COL16A1: variants seen among roughly 807,000 people sequenced by gnomAD.
COL16A1 encodes collagen type XVI alpha 1 chain, also known as collagen alpha-1(XVI) chain.
In COL16A1, 189 loss-of-function variants were observed where a neutral mutation model predicts 266.3. That is an observed-to-expected ratio of 0.71 (90% confidence interval 0.63 to 0.80). COL16A1 has a LOEUF of 0.80. Among genes scored for constraint, COL16A1 ranks in the 30% least tolerant of loss-of-function variants. The pLI is 0.00. For missense variants in COL16A1, 1,928 were observed against 2,122.4 expected (o/e 0.91, Z 1.80); for synonymous variants, 740 against 782.3 (o/e 0.95, Z 0.90).
In COL16A1 at chr1:31,663,078, C is replaced by T. The variant is rs1465694261; in HGVS notation, c.3556-420G>A. ...TCCCCCCATCCCAGCAGACATGGGC[C>T]CGGGCTGCACAGAGGCCTCAACAGC... On this transcript the variant is annotated intron_variant, in intron 56 of 70. Transcript: ENST00000373672. The surrounding 1 kb of genome is among the most constrained non-coding windows in gnomAD (Gnocchi z 4.9). 14 of 245,272 alleles carry T rather than the reference C, an allele frequency of 5.7e-5. No homozygotes were observed. The highest frequency in any genetic ancestry group is 3.1e-4 in the African/African-American group (14 of 44,656). 15.2% of individuals were successfully genotyped at this position (245,272 alleles called of 1,614,324 possible). A position where few individuals can be genotyped will look rare whatever the true frequency, so the allele number is the denominator to read the frequency against.
chr1:31,660,512 G>A, intron 62 of COL16A1, 73 bp downstream of exon 62: 2 of 1,588,654 alleles, frequency 1.3e-6, no homozygotes, highest in East Asian at 2.3e-5. Context: ...GGTCATGACA[G>A]CCTATGCACC....
intron 11 of COL16A1, 45 bp downstream of exon 11, chr1:31,695,141 C>T (rs763806127): frequency 1.9e-6 from 3 of 1,609,620 alleles, no homozygotes; most frequent in East Asian, 2.2e-5. Context: ...AACGTCCACT[C>T]CCGGCTCTTG....
At chr1:31,699,763 G>A (rs1332609829) in intron 4 of COL16A1, 50 bp downstream of exon 4, 41 of 1,183,138 alleles carry the variant, frequency 3.5e-5, no homozygotes, top group Non-Finnish European at 5.0e-5. Flanking sequence ...TTGCTGAGGA[G>A]TGTGGCTGAG....
intron 70 of COL16A1, 76 bp downstream of exon 70, chr1:31,653,521 CTG>C (rs1027504298): frequency 4.0e-6 from 6 of 1,493,140 alleles, no homozygotes; most frequent in Non-Finnish European, 5.4e-6. Flanking sequence ...TTTGACACAG[CTG>C]TGTCATAGAA....
At chr1:31,665,095 G>C in intron 56 of COL16A1, 77 bp downstream of exon 56, 1 of 1,563,310 alleles carries the variant, frequency 6.4e-7, no homozygotes, top group Non-Finnish European at 8.6e-7. Context: ...CTGAAAGCCT[G>C]ATGCTAGGGG....
Position 31,672,640 on chromosome 1 carries a change from G to A in COL16A1, c.2977-3C>T, listed in dbSNP as rs940925003. On this transcript the variant is annotated splice_region_variant and splice_polypyrimidine_tract_variant and intron_variant, in intron 45 of 70. Coordinates refer to ENST00000373672, the MANE Select transcript of COL16A1 (RefSeq NM_001856.4). ...GGGCGCTCCAGTGACAAAAAGCACTGCAAGGGACAATGAGAGGCACATTGT... is the reference window on the plus strand; with the variant it reads ...GGGCGCTCCAGTGACAAAAAGCACTACAAGGGACAATGAGAGGCACATTGT... 2.5e-6 allele frequency: 4 copies of A among 1,605,504 alleles called. No homozygotes were observed. Among genetic ancestry groups the A allele is most frequent in the Non-Finnish European group, 3.4e-6 (4 of 1,175,066 alleles).
Position 31,679,638 on chromosome 1 carries a change from C to G in COL16A1, c.2766G>C (p.Gly922=). Residue 922 remains glycine (G), a synonymous_variant, in exon 42 of 71, where the codon GGG becomes GGC. Coordinates refer to ENST00000373672, the MANE Select transcript of COL16A1 (RefSeq NM_001856.4). Reference sequence around the variant, plus strand: ...TTCTCTTCTCCCCCTTTACCTGCAGCCCAGGTACTCCAGGGGGGCCTGGTG... The same window carrying G: ...TTCTCTTCTCCCCCTTTACCTGCAGGCCAGGTACTCCAGGGGGGCCTGGTG... ...PGPPGPPGVP[G]LQGVPGNNGL... is the part of the protein sequence containing the mutation. 6.2e-7 allele frequency: 1 copy of G among 1,614,232 alleles called. No individual in the cohort carries two copies. Among genetic ancestry groups the G allele is most frequent in the South Asian group, 1.1e-5 (1 of 91,092 alleles).
At chr1:31,674,402 G>C (rs906054964) in intron 44 of COL16A1, among the ~76,000 whole-genome samples, 5 of 152,258 alleles carry the variant, frequency 3.3e-5, no homozygotes, top group Non-Finnish European at 7.3e-5. Flanking sequence ...TGTGACTCTT[G>C]ATTCCAATAG....
intron 44 of COL16A1, among the ~76,000 whole-genome samples, chr1:31,673,846 G>A (rs573376911): frequency 6.6e-6 from 1 of 152,334 alleles, no homozygotes; most frequent in East Asian, 1.9e-4. Flanking sequence ...AGCATGCCCC[G>A]GGGTGCCATC....
chr1:31,672,906 A>C, intron 44 of COL16A1, 66 bp from the exon 45 acceptor site: 2 of 1,462,080 alleles, frequency 1.4e-6, no homozygotes, highest in Non-Finnish European at 1.9e-6. Context: ...CCAACTGGGG[A>C]GCCCCAGTGA....
chr1:31,653,363 C>G, intron 70 of COL16A1: 1 of 472,230 alleles, frequency 2.1e-6, no homozygotes, highest in East Asian at 3.6e-5. Context: ...CCATGCAGCT[C>G]TCTCCTACTG....
rs369128729 is a variant in COL16A1, at chr1:31,652,556, C to CAAA, written c.*94_*95insTTT. 15 of 1,079,146 alleles carry CAAA rather than the reference C, an allele frequency of 1.4e-5. No homozygotes were observed. Among genetic ancestry groups the CAAA allele is most frequent in the African/African-American group, 8.0e-5 (5 of 62,742 alleles). The allele number at this position is 1,079,146 out of a possible 1,614,324, so 66.8% of individuals were successfully genotyped here. On this transcript the variant is annotated 3_prime_UTR_variant, in exon 71 of 71. Coordinates refer to ENST00000373672, the MANE Select transcript of COL16A1 (RefSeq NM_001856.4). This position sits in a 1 kb window ranked among gnomAD's most constrained non-coding sequence, Gnocchi z 4.8. ...TAACAGCAATTAAAAACAACAACAACAACAAAAAAAACATTCACAACCTGT... is the reference window on the plus strand; with the variant it reads ...TAACAGCAATTAAAAACAACAACAACAAAAACAAAAAAAACATTCACAACCTGT...
chr1:31,661,234 T>A (rs1260138266), intron 60 of COL16A1, 115 bp from the exon 61 acceptor site: 3 of 1,465,800 alleles, frequency 2.0e-6, no homozygotes, highest in Non-Finnish European at 2.8e-6. Context: ...CCAGAGGCCC[T>A]CTGATGCCCT....
rs748557476 is a variant in COL16A1, at chr1:31,683,737, C to T, written c.2349G>A (p.Gly783=). 2 of 1,614,136 alleles carry T rather than the reference C, an allele frequency of 1.2e-6. No homozygotes were observed. Among genetic ancestry groups the T allele is most frequent in the South Asian group, 2.2e-5 (2 of 91,078 alleles). The change falls in exon 34 of 71, where the codon GGG becomes GGA. Residue 783 remains glycine, a synonymous_variant. Coordinates refer to ENST00000373672, the MANE Select transcript of COL16A1 (RefSeq NM_001856.4). ...GTCCCTGGACTCCCCTTCCTGGAGG[C>T]CCTGGCTCTCCCTGAAGAGGCAGAA... The part of the protein sequence containing the change: ...PGLKGVQGEP[G]PPGRGVQGPQ...
chr1:31,683,788 C>G (rs1643823024), intron 33 of COL16A1, 40 bp from the exon 34 acceptor site: 1 of 1,613,724 alleles, frequency 6.2e-7, no homozygotes, highest in African/African-American at 1.3e-5. Context: ...CGAGGTTCCC[C>G]AGTCACCCTT....
chr1:31,655,583 C>T, intron 66 of COL16A1, 81 bp from the exon 67 acceptor site: 1 of 1,574,224 alleles, frequency 6.4e-7, no homozygotes, highest in Non-Finnish European at 8.6e-7. Flanking sequence ...ACCCTCCCAC[C>T]AGGCCCCCAG....
intron 56 of COL16A1, 116 bp downstream of exon 56, chr1:31,665,056 C>T: frequency 6.8e-7 from 1 of 1,464,622 alleles, no homozygotes; most frequent in Non-Finnish European, 9.3e-7. Context: ...TTCCCAGCCT[C>T]AGTGCAACTG....
At position 31,654,720 on chromosome 1, in the gene COL16A1, G is replaced by T. The variant is rs1640951840; in HGVS notation, c.4357+72C>A. 22 of 1,611,516 alleles carry T rather than the reference G, an allele frequency of 1.4e-5. No individual in the cohort carries two copies. In the South Asian group the frequency reaches 2.3e-4, roughly 17 times the overall value. The stretch of plus-strand genomic sequence containing the variant: ...GACATTGAGCGTTAAGGAGAAAGAG[G>T]CCAAGGCAGGGCAGAGAAGTCACAA... On this transcript the variant is annotated intron_variant, in intron 68 of 70. Coordinates refer to ENST00000373672, the MANE Select transcript of COL16A1 (RefSeq NM_001856.4).
chr1:31,676,513 G>A (rs1250701459), intron 42 of COL16A1, among the ~76,000 whole-genome samples: 3 of 152,060 alleles, frequency 2.0e-5, no homozygotes, highest in Non-Finnish European at 2.9e-5. Flanking sequence ...GTGGGTACTT[G>A]CCAGTCAGAT....
Sources: gnomAD v4.1 joint callset for allele counts (sites outside exome capture counted in the v4.1 genomes callset) on GRCh38, gnomAD v4.1.1 for gene constraint, Gnocchi (gnomAD v3.1) non-coding constraint, MANE v1.5 for transcripts, NCBI Gene and HGNC (gene_info 2026-07-23, HGNC 2026-07-21) for gene names.